FHIP1B: variants seen among roughly 807,000 people sequenced by gnomAD.
The protein encoded by FHIP1B is FHF complex subunit HOOK interacting protein 1B, also known as FHF complex subunit HOOK-interacting protein 1B.
FHIP1B carries 28 observed loss-of-function variants against 82.2 expected under a neutral mutation model. The observed-to-expected ratio is 0.34, with a 90% CI of 0.25 to 0.47. The LOEUF (loss-of-function observed/expected upper bound fraction) is 0.47, where lower values mean the gene tolerates loss of function less well. Ranked by LOEUF, FHIP1B falls within the 20% of genes least tolerant of loss-of-function variation. The pLI is 1.00. For synonymous variants in FHIP1B, 585 were observed against 516.1 expected (o/e 1.13, Z -1.81); for missense variants, 1,110 against 1,262.6 (o/e 0.88, Z 1.83).
Position 6,224,430 on chromosome 11 carries a change from G to T in FHIP1B, c.87C>A (p.Val29=). The T allele has an allele frequency of 6.2e-7, 1 of 1,614,232 alleles. No homozygotes were observed. The highest frequency in any genetic ancestry group is 1.1e-5 in the South Asian group (1 of 91,086). The change falls in exon 2 of 12, where the codon GTC becomes GTA. Residue 29 remains valine (V), a synonymous_variant. Transcript: ENST00000449352. ...TGAGGCAGGTCTCGGGATCAGCCATGACTGGGGTTTGGAGATTGGCCCCTT... is the reference window on the plus strand; with the variant it reads ...TGAGGCAGGTCTCGGGATCAGCCATTACTGGGGTTTGGAGATTGGCCCCTT... The part of the protein sequence containing the change: ...IPQGANLQTP[V]MADPETCLMV...
In FHIP1B at chr11:6,211,622, G is replaced by A; in HGVS notation, c.2803C>T (p.Leu935Phe). ...VYCAVIFPEF[L>F]KELAAISQAH... ...TGGGAGATGGCAGCCAACTCCTTGA[G>A]AAATTCAGGGAAAATGACTGCACAG... The change falls in exon 12 of 12, where the codon CTC (leucine) becomes TTC (phenylalanine). Residue 935 changes from leucine to phenylalanine, a missense_variant. By Grantham distance (22) the Leu-to-Phe change is conservative. Coordinates refer to ENST00000449352, the MANE Select transcript of FHIP1B (RefSeq NM_001098794.2). 1 of 1,614,230 alleles carries A rather than the reference G, an allele frequency of 6.2e-7. No homozygotes were observed.
At chr11:6,232,916 C>G (rs920223995) in intron 1 of FHIP1B, among the ~76,000 whole-genome samples, 6 of 151,988 alleles carry the variant, frequency 3.9e-5, no homozygotes, top group Non-Finnish European at 7.4e-5. Flanking sequence ...CACTGCAACA[C>G]CAAAAGAATA....
intron 9 of FHIP1B, 55 bp downstream of exon 9, chr11:6,217,316 T>C: frequency 6.6e-7 from 1 of 1,523,780 alleles, no homozygotes; most frequent in Middle Eastern, 1.7e-4. Context: ...AGCACAAACA[T>C]GTCGAGAACA....
chr11:6,212,084 T>C (rs1847089736), intron 11 of FHIP1B: 1 of 477,188 alleles, frequency 2.1e-6, no homozygotes, highest in Non-Finnish European at 2.7e-6. Context: ...GAGTTCTTTC[T>C]CACTCCAACA....
At chr11:6,234,345 A>G (rs935478528) in intron 1 of FHIP1B, among the ~76,000 whole-genome samples, 199 bp downstream of exon 1, 12 of 152,030 alleles carry the variant, frequency 7.9e-5, no homozygotes, top group African/African-American at 2.7e-4. Flanking sequence ...CACCTCCGAA[A>G]GCACCCAGCC....
At position 6,211,702 on chromosome 11, in the gene FHIP1B, C is replaced by G. The variant is rs146871349; in HGVS notation, c.2723G>C (p.Arg908Pro). ...ACCTTGGCGTTCAGGGGCCCCGCCC[C>G]GGGTGAGTAGAACTGGAGTTGAAGC... ...PGASTPVLLT[R>P]GGAPERQGEA... The change falls in exon 12 of 12, where the codon CGG (arginine) becomes CCG (proline). Residue 908 changes from arginine to proline, a missense_variant. This residue lies in a region of FHIP1B where 147 missense variants were observed against 154.0 expected (regional missense o/e 0.95). Transcript: ENST00000449352. 6.2e-7 allele frequency: 1 copy of G among 1,614,190 alleles called. No individual in the cohort carries two copies. Among genetic ancestry groups the G allele is most frequent in the South Asian group, 1.1e-5 (1 of 91,086 alleles).
intron 5 of FHIP1B, 33 bp from the exon 6 acceptor site, chr11:6,222,642 A>C: frequency 6.2e-7 from 1 of 1,610,360 alleles, no homozygotes; most frequent in Non-Finnish European, 8.5e-7. Flanking sequence ...CTGGAAATGC[A>C]CAGCTTCCCT....
At position 6,223,108 on chromosome 11, in the gene FHIP1B, G is replaced by C. The variant is rs1262405357; in HGVS notation, c.908C>G (p.Ser303Cys). 6.3e-7 allele frequency: 1 copy of C among 1,584,938 alleles called. No individual in the cohort carries two copies. The highest frequency in any genetic ancestry group is 8.5e-7 in the Non-Finnish European group (1 of 1,169,684). Residue 303 changes from serine (S) to cysteine (C), a missense_variant, in exon 4 of 12, where the codon TCC (serine) becomes TGC (cysteine). By Grantham distance (112) the Ser-to-Cys change is moderately radical (BLOSUM62 -1). Coordinates refer to ENST00000449352, the MANE Select transcript of FHIP1B (RefSeq NM_001098794.2). This position sits in a 1 kb window ranked among gnomAD's most constrained non-coding sequence, Gnocchi z 4.8. The part of the protein sequence containing the change: ...GVPALALFMS[S>C]LEFCNAVIQV... ...AATTACTGCATTGCAGAACTCCAGG[G>C]AACTCATGAAGAGTGCAAGGGCTGG...
In FHIP1B at chr11:6,223,948, G is replaced by A. The variant is rs370295056; in HGVS notation, c.439C>T (p.Arg147Trp). 5.0e-6 allele frequency: 8 copies of A among 1,614,182 alleles called. No homozygotes were observed. Among genetic ancestry groups the A allele is most frequent in the South Asian group, 1.1e-5 (1 of 91,086 alleles). Residue 147 changes from arginine (R) to tryptophan (W), a missense_variant, in exon 3 of 12, where the codon CGG becomes TGG. Coordinates refer to ENST00000449352, the MANE Select transcript of FHIP1B (RefSeq NM_001098794.2). This position sits in a 1 kb window ranked among gnomAD's most constrained non-coding sequence, Gnocchi z 4.8. The stretch of plus-strand genomic sequence containing the variant: ...AGAGCCTCACGAACTGGACCATGCC[G>A]CAACAGTGGCTGGCGAGCTTCGCTC... Reference protein sequence around the residue: ...LVSEARQPLLRHGPVREALLT... With the variant: ...LVSEARQPLLWHGPVREALLT...
In FHIP1B at chr11:6,211,370, G is replaced by T; in HGVS notation, c.*136C>A. The T allele has an allele frequency of 2.5e-6, 3 of 1,222,442 alleles. No homozygotes were observed. The highest frequency in any genetic ancestry group is 3.4e-6 in the Non-Finnish European group (3 of 892,750). 75.7% of individuals were successfully genotyped at this position (1,222,442 alleles called of 1,614,324 possible). A position where few individuals can be genotyped will look rare whatever the true frequency, so the allele number is the denominator to read the frequency against. On this transcript the variant is annotated 3_prime_UTR_variant, in exon 12 of 12. Coordinates refer to ENST00000449352, the MANE Select transcript of FHIP1B (RefSeq NM_001098794.2). ...TAGAGATTTCCCTTTTATACATATT[G>T]CAACAAGTTCTCCATAAAACATTCA...
Position 6,224,654 on chromosome 11 carries a change from T to C in FHIP1B, c.-138A>G, listed in dbSNP as rs536260253. On this transcript the variant is annotated 5_prime_UTR_variant, in exon 2 of 12. Coordinates refer to ENST00000449352, the MANE Select transcript of FHIP1B (RefSeq NM_001098794.2). Reference sequence around the variant, plus strand: ...TAGCTGCCCATGGAGCCAGAGGTTATACCAGGCTGGAATGGCAAGCCCAGA... The same window carrying C: ...TAGCTGCCCATGGAGCCAGAGGTTACACCAGGCTGGAATGGCAAGCCCAGA... 2.4e-5 allele frequency: 21 copies of C among 891,350 alleles called. No homozygotes were observed. In the East Asian group the frequency reaches 5.1e-4, roughly 22 times the overall value. The allele number at this position is 891,350 out of a possible 1,614,324, so 55.2% of individuals were successfully genotyped here. A position where few individuals can be genotyped will look rare whatever the true frequency, so the allele number is the denominator to read the frequency against.
chr11:6,223,786 G>A lies in FHIP1B; in HGVS notation c.601C>T (p.Pro201Ser). ...PSLLEFFLQP[P>S]PEPGAAPRLL... ...CGGGGAGCGGCTCCAGGCTCAGGAG[G>A]TGGCTGCAGGAAGAACTCGAGCAAT... is the stretch of plus-strand genomic sequence containing the variant. Residue 201 changes from proline to serine, a missense_variant, in exon 3 of 12, where the codon CCT becomes TCT. By Grantham distance (74) the Pro-to-Ser change is moderately conservative. Around this residue, in one of 6 missense-constraint regions of FHIP1B, gnomAD observed 467 missense variants for 602.9 expected, o/e 0.77. Transcript: ENST00000449352. The surrounding 1 kb of genome is among the most constrained non-coding windows in gnomAD (Gnocchi z 4.8). 1.2e-6 allele frequency: 2 copies of A among 1,614,238 alleles called. No individual in the cohort carries two copies. The highest frequency in any genetic ancestry group is 8.5e-7 in the Non-Finnish European group (1 of 1,180,032).
intron 9 of FHIP1B, among the ~76,000 whole-genome samples, chr11:6,216,367 T>C (rs1847226370): frequency 6.6e-6 from 1 of 152,248 alleles, no homozygotes; most frequent in Non-Finnish European, 1.5e-5. Context: ...AAATCTGCTA[T>C]GTACCCAGAG....
At chr11:6,224,957 C>G (rs1847522833) in intron 1 of FHIP1B, among the ~76,000 whole-genome samples, 1 of 152,178 alleles carries the variant, frequency 6.6e-6, no homozygotes, top group Non-Finnish European at 1.5e-5. Context: ...TGTACATTAT[C>G]CTTGTTTTTT....
chr11:6,225,409 T>C lies in FHIP1B; in HGVS notation c.-191-702A>G, dbSNP rs545276191. Among the ~76,000 whole-genome samples, 10 of 152,334 alleles carry C rather than the reference T, an allele frequency of 6.6e-5. No homozygotes were observed. In the East Asian group the frequency reaches 1.7e-3, roughly 26 times the overall value. On this transcript the variant is annotated intron_variant, in intron 1 of 11. Transcript: ENST00000449352. ...ATCATCTCCCCAGATAGGCCCTGCC[T>C]AACAATTCTATCTAAATAGCACATC...
In FHIP1B at chr11:6,223,695, C is replaced by T. The variant is rs768160220; in HGVS notation, c.692G>A (p.Arg231His). Residue 231 changes from arginine (R) to histidine (H), a missense_variant, in exon 3 of 12, where the codon CGT becomes CAT. By Grantham distance (29) the Arg-to-His change is conservative. Transcript: ENST00000449352. This position sits in a 1 kb window ranked among gnomAD's most constrained non-coding sequence, Gnocchi z 4.8. ...HREGTLGQQA[R>H]DALLLLMALS... ...AGCCATGAGAAGAAGTAGGGCATCACGGGCCTGCTGGCCCAGGGTGCCCTC... is the reference window on the plus strand; with the variant it reads ...AGCCATGAGAAGAAGTAGGGCATCATGGGCCTGCTGGCCCAGGGTGCCCTC... The T allele has an allele frequency of 1.9e-6, 3 of 1,614,126 alleles. No homozygotes were observed. The highest frequency in any genetic ancestry group is 2.2e-5 in the East Asian group (1 of 44,878).
intron 5 of FHIP1B, 72 bp from the exon 6 acceptor site, chr11:6,222,681 C>G: frequency 6.3e-7 from 1 of 1,584,778 alleles, no homozygotes; most frequent in Non-Finnish European, 8.7e-7. Context: ...TCCCTGGATT[C>G]TAAGAGAAAT....
intron 1 of FHIP1B, among the ~76,000 whole-genome samples, chr11:6,229,887 A>T (rs546207609): frequency 1.3e-5 from 2 of 151,990 alleles, no homozygotes; most frequent in African/African-American, 4.8e-5. Context: ...CTATCACCTA[A>T]TTAGACTCTC....
At chr11:6,214,292 A>C (rs1564857441) in intron 11 of FHIP1B, 119 bp downstream of exon 11, 16 of 1,233,754 alleles carry the variant, frequency 1.3e-5, no homozygotes, top group Non-Finnish European at 1.8e-5. Context: ...ATGAAGACTC[A>C]ATTTTCTACA....
Sources: gnomAD v4.1 joint callset for allele counts (sites outside exome capture counted in the v4.1 genomes callset) on GRCh38, gnomAD v4.1.1 for gene constraint, gnomAD v4.1.1 regional missense constraint, Gnocchi (gnomAD v3.1) non-coding constraint, MANE v1.5 for transcripts, NCBI Gene and HGNC (gene_info 2026-07-23, HGNC 2026-07-21) for gene names.